Variants in EYS observed in about 807,000 individuals in gnomAD.
EYS encodes EGF-like photoreceptor maintenance factor.
A neutral mutation model predicts 282.1 loss-of-function variants in EYS; 250 were observed. The observed-to-expected ratio is 0.89, with a 90% confidence interval of 0.80 to 0.98. EYS has a LOEUF of 0.98. Ranked by LOEUF, EYS falls within the 50% of genes least tolerant of loss-of-function variation. EYS has a pLI of 0.00. For missense variants in EYS, 4,016 were observed against 3,709.0 expected, an observed-to-expected ratio of 1.08 and a Z score of -2.15; for synonymous variants, 1,355 against 1,282.9, an observed-to-expected ratio of 1.06 and a Z score of -1.20.
intron 35 of EYS, among the ~76,000 whole-genome samples, chr6:63,903,632 T>A (rs1039865519): frequency 6.6e-6 from 1 of 152,202 alleles, no homozygotes; most frequent in Non-Finnish European, 1.5e-5. Flanking sequence ...GCTACACTTA[T>A]AACTTTCTCA....
At chr6:65,267,126 A>G (rs1285642884) in intron 12 of EYS, among the ~76,000 whole-genome samples, 1 of 151,680 alleles carries the variant, frequency 6.6e-6, no homozygotes, top group Non-Finnish European at 1.5e-5. Context: ...TTTCAGAAGC[A>G]TGTGTGATCC....
At chr6:64,315,369 C>G (rs760141743) in intron 29 of EYS, among the ~76,000 whole-genome samples, 1 of 152,136 alleles carries the variant, frequency 6.6e-6, no homozygotes, top group Non-Finnish European at 1.5e-5. Context: ...CCTTCTGAAA[C>G]TATTGCAAAC....
intron 2 of EYS, among the ~76,000 whole-genome samples, chr6:65,608,913 T>G (rs1765895426): frequency 6.6e-6 from 1 of 152,036 alleles, no homozygotes; most frequent in African/African-American, 2.4e-5. Context: ...ATAACACACA[T>G]GGAGCTGTTA....
Position 64,085,340 on chromosome 6 carries a change from G to GCGCGCACACACACACACACACA in EYS, c.6425-3339_6425-3338insTGTGTGTGTGTGTGTGTGCGCG, listed in dbSNP as rs112388321. On this transcript the variant is annotated intron_variant, in intron 31 of 42. Coordinates refer to ENST00000503581, the MANE Select transcript of EYS (RefSeq NM_001142800.2). The stretch of plus-strand genomic sequence containing the variant: ...CGCGCGCGCGTGCGCACGTGCGCGC[G>GCGCGCACACACACACACACACA]CACACACACACACACACACACACAC... Among the ~76,000 whole-genome samples the GCGCGCACACACACACACACACA allele has an allele frequency of 1.5e-3, 216 of 139,878 alleles. 1 individual carries two copies. Among genetic ancestry groups the GCGCGCACACACACACACACACA allele is most frequent in the African/African-American group, 5.1e-3 (183 of 35,750 alleles). The allele number at this position is 139,878 out of a possible 152,430, so 91.8% of individuals were successfully genotyped here. A position where few individuals can be genotyped will look rare whatever the true frequency, so the allele number is the denominator to read the frequency against.
intron 26 of EYS, among the ~76,000 whole-genome samples, chr6:64,548,323 A>G (rs1052516080): frequency 2.0e-5 from 3 of 152,246 alleles, no homozygotes; most frequent in Non-Finnish European, 4.4e-5. Flanking sequence ...CAATTACATT[A>G]CTGGGTATAT....
chr6:64,177,458 T>G (rs538100423), intron 31 of EYS, among the ~76,000 whole-genome samples: 1 of 152,156 alleles, frequency 6.6e-6, no homozygotes, highest in African/African-American at 2.4e-5. Context: ...TATTTTAAAT[T>G]ATTCTTCTAA....
At chr6:63,933,211 T>G (rs1764949335) in intron 35 of EYS, among the ~76,000 whole-genome samples, 1 of 152,184 alleles carries the variant, frequency 6.6e-6, no homozygotes, top group African/African-American at 2.4e-5. Flanking sequence ...TTGGTTTTTT[T>G]TAAACATTTA....
In EYS at chr6:65,250,336, A is replaced by G. The variant is rs547030832; in HGVS notation, c.2023+45527T>C. Among the ~76,000 whole-genome samples the G allele has an allele frequency of 3.9e-5, 6 of 152,134 alleles. No homozygotes were observed. In the East Asian group the frequency reaches 1.2e-3, roughly 29 times the overall value. On this transcript the variant is annotated intron_variant, in intron 12 of 42. Coordinates refer to ENST00000503581, the MANE Select transcript of EYS (RefSeq NM_001142800.2). The stretch of plus-strand genomic sequence containing the variant: ...TATTTAAGTTCATTTGGCTAAAAAA[A>G]AATAAGTCTAGGTTATACCTATTAA...
At chr6:63,873,322 G>A (rs1375233840) in intron 35 of EYS, among the ~76,000 whole-genome samples, 2 of 152,118 alleles carry the variant, frequency 1.3e-5, no homozygotes. Flanking sequence ...TCCCTACAAA[G>A]GACATGAACT....
At chr6:65,079,359 T>C (rs1774151967) in intron 12 of EYS, among the ~76,000 whole-genome samples, 1 of 152,044 alleles carries the variant, frequency 6.6e-6, no homozygotes, top group African/African-American at 2.4e-5. Context: ...ACTAATTCAT[T>C]TGAGATATTT....
At chr6:64,580,910 T>C (rs1185678936) in intron 26 of EYS, among the ~76,000 whole-genome samples, 1 of 151,962 alleles carries the variant, frequency 6.6e-6, no homozygotes, top group Non-Finnish European at 1.5e-5. Flanking sequence ...AGTTTAGAAA[T>C]CCAGATGGAT....
At chr6:64,541,984 T>C (rs189443198) in intron 26 of EYS, among the ~76,000 whole-genome samples, 2 of 152,302 alleles carry the variant, frequency 1.3e-5, no homozygotes, top group East Asian at 3.9e-4. Context: ...TTATATTTAT[T>C]TAGTCACACA....
chr6:64,576,847 T>C (rs887766153), intron 26 of EYS, among the ~76,000 whole-genome samples: 1 of 152,058 alleles, frequency 6.6e-6, no homozygotes, highest in Non-Finnish European at 1.5e-5. Context: ...TGGATTATAT[T>C]CCCCCAGTGA....
At chr6:64,055,374 G>A (rs1582206913) in intron 33 of EYS, among the ~76,000 whole-genome samples, 1 of 151,942 alleles carries the variant, frequency 6.6e-6, no homozygotes, top group South Asian at 2.1e-4. Flanking sequence ...AAGCACTTTC[G>A]TATACATGAT....
chr6:64,559,251 TTGTA>T (rs1275745636), intron 26 of EYS, among the ~76,000 whole-genome samples: 1 of 145,424 alleles, frequency 6.9e-6, no homozygotes, highest in Non-Finnish European at 1.5e-5. Flanking sequence ...CTTTCCTTCT[TTGTA>T]TGTGTGTGTG....
chr6:64,075,701 A>G (rs1426728677), intron 32 of EYS, among the ~76,000 whole-genome samples: 1 of 152,074 alleles, frequency 6.6e-6, no homozygotes, highest in East Asian at 1.9e-4. Context: ...TTAATTCCCT[A>G]GACAAGGTAC....
chr6:65,316,091 T>C (rs1226487496), intron 11 of EYS, among the ~76,000 whole-genome samples: 4 of 152,234 alleles, frequency 2.6e-5, no homozygotes, highest in Non-Finnish European at 2.9e-5. Context: ...GCATTATTTA[T>C]CTAGTTATAG....
intron 32 of EYS, among the ~76,000 whole-genome samples, chr6:64,075,153 G>T (rs909758464): frequency 5.3e-5 from 8 of 151,908 alleles, no homozygotes; most frequent in Non-Finnish European, 8.8e-5. Context: ...CCCCCTAAAG[G>T]TCTGGATTTG....
intron 31 of EYS, among the ~76,000 whole-genome samples, chr6:64,217,306 A>G (rs1384450996): frequency 2.0e-5 from 3 of 152,182 alleles, no homozygotes; most frequent in Non-Finnish European, 4.4e-5. Flanking sequence ...AGACAGGCGG[A>G]TCACCTGAGG....
Sources: allele counts gnomAD v4.1 joint callset (sites outside exome capture counted in the v4.1 genomes callset), GRCh38; gene constraint gnomAD v4.1.1; transcripts MANE v1.5; gene names NCBI Gene and HGNC (gene_info 2026-07-23, HGNC 2026-07-21).